RSPO3: variants seen among roughly 807,000 people sequenced by gnomAD.
The protein encoded by RSPO3 is R-spondin-3.
In RSPO3, 17 loss-of-function variants were observed where a neutral mutation model predicts 36.5. That is an observed-to-expected ratio of 0.47 (90% confidence interval 0.32 to 0.70). The LOEUF (loss-of-function observed/expected upper bound fraction) is 0.70. RSPO3 is among the 30% of genes least tolerant of loss of function. RSPO3 has a pLI of 0.04. For missense variants in RSPO3, 294 were observed against 322.5 expected (o/e 0.91, Z 0.68); for synonymous variants, 108 against 107.0 (o/e 1.01, Z -0.06).
At chr6:127,150,230 T>A (rs531299227) in intron 2 of RSPO3, among the ~76,000 whole-genome samples, 196 bp from the exon 3 acceptor site, 92 of 151,936 alleles carry the variant, frequency 6.1e-4, no homozygotes, top group African/African-American at 2.1e-3. Flanking sequence ...AGTACAATGA[T>A]TTTAAAATCA....
At chr6:127,168,108 GTA>G (rs1774858856) in intron 4 of RSPO3, among the ~76,000 whole-genome samples, 1 of 152,096 alleles carries the variant, frequency 6.6e-6, no homozygotes, top group African/African-American at 2.4e-5. Flanking sequence ...AATCCTTTGG[GTA>G]TATACCCAGT....
Position 127,196,599 on chromosome 6 carries a change from C to T in RSPO3, c.*592C>T, listed in dbSNP as rs1267722372. The T allele has an allele frequency of 6.6e-6, 1 of 152,126 alleles. No homozygotes were observed. Among genetic ancestry groups the T allele is most frequent in the Non-Finnish European group, 1.5e-5 (1 of 68,032 alleles). 9.4% of individuals were successfully genotyped at this position (152,126 alleles called of 1,614,324 possible). On this transcript the variant is annotated 3_prime_UTR_variant, in exon 5 of 5. Transcript: ENST00000356698. ...TTATAAGAAACACAAGAGTGCATAC[C>T]AGAATTGAATATACCATATGGGATT...
intron 4 of RSPO3, among the ~76,000 whole-genome samples, chr6:127,165,917 A>T (rs1774812493): frequency 6.6e-6 from 1 of 151,986 alleles, no homozygotes. Flanking sequence ...AAAACACAAA[A>T]GCCTAAAAGA....
At chr6:127,164,246 G>A (rs2114606895) in intron 4 of RSPO3, among the ~76,000 whole-genome samples, 1 of 152,136 alleles carries the variant, frequency 6.6e-6, no homozygotes, top group Admixed American at 6.6e-5. Context: ...CCAGGGTCAA[G>A]TGAGCCATTT....
At chr6:127,125,332 A>G (rs1178487577) in intron 1 of RSPO3, among the ~76,000 whole-genome samples, 3 of 152,152 alleles carry the variant, frequency 2.0e-5, no homozygotes, top group Non-Finnish European at 2.9e-5. Flanking sequence ...AGAATCTGAG[A>G]CCTGAGAAAG....
chr6:127,181,614 A>G (rs1040249893), intron 4 of RSPO3, among the ~76,000 whole-genome samples: 11 of 151,842 alleles, frequency 7.2e-5, no homozygotes, highest in Non-Finnish European at 1.3e-4. Flanking sequence ...GCAGGATCCA[A>G]AAGTGTGCTT....
intron 3 of RSPO3, among the ~76,000 whole-genome samples, chr6:127,153,537 G>T (rs13204656): frequency 0.47 from 71,121 of 151,722 alleles, 16,814 homozygotes; most frequent in East Asian, 0.53. Flanking sequence ...AAGGTTGTCC[G>T]TAGAATTTAA....
intron 4 of RSPO3, among the ~76,000 whole-genome samples, chr6:127,184,028 C>A (rs753113144): frequency 6.6e-6 from 1 of 151,886 alleles, no homozygotes; most frequent in Admixed American, 6.6e-5. Flanking sequence ...ACCATCAAAT[C>A]TCATGAGAAC....
chr6:127,188,236 T>C (rs1775335075), intron 4 of RSPO3, among the ~76,000 whole-genome samples: 2 of 152,200 alleles, frequency 1.3e-5, no homozygotes, highest in African/African-American at 4.8e-5. Flanking sequence ...GAAAAAAATT[T>C]GTAAAGGCCT....
At chr6:127,180,392 T>C (rs1482167529) in intron 4 of RSPO3, among the ~76,000 whole-genome samples, 1 of 142,674 alleles carries the variant, frequency 7.0e-6, no homozygotes, top group Non-Finnish European at 1.5e-5. Context: ...TGGGCAGATT[T>C]AAAAACAAAC....
intron 1 of RSPO3, among the ~76,000 whole-genome samples, chr6:127,140,916 T>A (rs943283410): frequency 2.6e-5 from 4 of 152,202 alleles, no homozygotes; most frequent in Non-Finnish European, 5.9e-5. Context: ...CTCCTTATTC[T>A]GCAGGCCTCG....
At chr6:127,127,065 A>G (rs898966697) in intron 1 of RSPO3, among the ~76,000 whole-genome samples, 1 of 152,110 alleles carries the variant, frequency 6.6e-6, no homozygotes, top group African/African-American at 2.4e-5. Flanking sequence ...GCTGGTAAGC[A>G]TATTTATAAT....
chr6:127,174,997 G>A (rs9491705), intron 4 of RSPO3, among the ~76,000 whole-genome samples: 70,792 of 151,364 alleles, frequency 0.47, 16,718 homozygotes, highest in East Asian at 0.53. Flanking sequence ...TTATATCCCT[G>A]ACTTTAAGCA....
chr6:127,123,248 T>A (rs1256067640), intron 1 of RSPO3, among the ~76,000 whole-genome samples: 1 of 152,112 alleles, frequency 6.6e-6, no homozygotes, highest in Non-Finnish European at 1.5e-5. Context: ...AGAAAAATCT[T>A]TAATTCTACT....
At chr6:127,159,352 G>T (rs1211980582) in intron 4 of RSPO3, among the ~76,000 whole-genome samples, 1 of 152,074 alleles carries the variant, frequency 6.6e-6, no homozygotes, top group Non-Finnish European at 1.5e-5. Flanking sequence ...GTATGATCTT[G>T]GGATAGAAAG....
At chr6:127,144,643 G>GTTTTTTTTT (rs56388820) in intron 1 of RSPO3, among the ~76,000 whole-genome samples, 5 of 99,130 alleles carry the variant, frequency 5.0e-5, no homozygotes, top group African/African-American at 1.7e-4. Context: ...GCTTCCCCTT[G>GTTTTTTTTT]TTTTTTTTTT....
At chr6:127,193,748 A>G (rs1775459935) in intron 4 of RSPO3, among the ~76,000 whole-genome samples, 1 of 152,190 alleles carries the variant, frequency 6.6e-6, no homozygotes, top group South Asian at 2.1e-4. Flanking sequence ...TGGTTATTAT[A>G]TTCAAGTCAG....
intron 4 of RSPO3, among the ~76,000 whole-genome samples, chr6:127,168,325 G>A (rs756677321): frequency 6.6e-6 from 1 of 152,080 alleles, no homozygotes; most frequent in Non-Finnish European, 1.5e-5. Flanking sequence ...TCTCATTGTG[G>A]TTTTGATTTG....
At chr6:127,125,975 A>G (rs1336583704) in intron 1 of RSPO3, among the ~76,000 whole-genome samples, 1 of 152,164 alleles carries the variant, frequency 6.6e-6, no homozygotes, top group Non-Finnish European at 1.5e-5. Flanking sequence ...ATGACTGCAC[A>G]AAAGAGTATA....
Sources: gnomAD v4.1 joint callset for allele counts (sites outside exome capture counted in the v4.1 genomes callset) on GRCh38, gnomAD v4.1.1 for gene constraint, MANE v1.5 for transcripts, NCBI Gene and HGNC (gene_info 2026-07-23, HGNC 2026-07-21) for gene names.